Variants in FRMD4A observed in about 807,000 individuals in gnomAD.
The protein encoded by FRMD4A is FERM domain containing 4A.
A neutral mutation model predicts 129.1 loss-of-function variants in FRMD4A; 29 were observed. The ratio of observed to expected loss-of-function variants is 0.22; its 90% CI spans 0.17 to 0.31. The LOEUF (loss-of-function observed/expected upper bound fraction) is 0.31. FRMD4A is among the 10% of genes least tolerant of loss of function. The pLI, the probability that FRMD4A is intolerant of heterozygous loss-of-function variation, is 1.00. For synonymous variants in FRMD4A, 634 were observed against 571.6 expected, an observed-to-expected ratio of 1.11 and a Z score of -1.56; for missense variants, 1,272 against 1,375.8, an observed-to-expected ratio of 0.92 and a Z score of 1.19.
intron 5 of FRMD4A, among the ~76,000 whole-genome samples, chr10:13,794,015 C>T (rs567118125): frequency 2.8e-4 from 42 of 152,172 alleles, no homozygotes; most frequent in South Asian, 1.2e-3. Context: ...GAGCCCCACC[C>T]CACCCTTGGA....
intron 2 of FRMD4A, among the ~76,000 whole-genome samples, chr10:14,067,547 A>G (rs150448005): frequency 0.021 from 3,162 of 152,072 alleles, 100 homozygotes; most frequent in African/African-American, 0.07. Flanking sequence ...GGCCGGGCGC[A>G]GTGGCTCACA....
At chr10:14,080,225 C>A (rs777635684) in intron 2 of FRMD4A, among the ~76,000 whole-genome samples, 40 of 152,292 alleles carry the variant, frequency 2.6e-4, no homozygotes, top group Admixed American at 6.5e-5. Flanking sequence ...TCTAGCCTGC[C>A]CCCTACCCTG....
intron 12 of FRMD4A, among the ~76,000 whole-genome samples, chr10:13,720,102 G>A (rs747072127): frequency 7.2e-5 from 11 of 152,184 alleles, no homozygotes; most frequent in Non-Finnish European, 1.2e-4. Flanking sequence ...AGGCTGTGGT[G>A]CAGTGGGGTG....
At chr10:14,024,406 G>A (rs1030495689) in intron 2 of FRMD4A, among the ~76,000 whole-genome samples, 3 of 152,178 alleles carry the variant, frequency 2.0e-5, no homozygotes, top group African/African-American at 7.2e-5. Context: ...TTCCAGCTTG[G>A]CAGCCAAAGT....
intron 14 of FRMD4A, 138 bp from the exon 15 acceptor site, chr10:13,694,177 T>A: frequency 1.6e-6 from 1 of 614,372 alleles, no homozygotes; most frequent in Non-Finnish European, 2.7e-6. Context: ...AGCATTTTTG[T>A]TTGCATCCCT....
chr10:14,308,114 G>A (rs1419263090), intron 2 of FRMD4A, among the ~76,000 whole-genome samples: 8 of 152,200 alleles, frequency 5.3e-5, no homozygotes, highest in African/African-American at 1.9e-4. Context: ...AGGAGGACTT[G>A]CTCAATGAAG....
At chr10:14,271,268 T>C (rs1845154287) in intron 2 of FRMD4A, among the ~76,000 whole-genome samples, 1 of 152,202 alleles carries the variant, frequency 6.6e-6, no homozygotes, top group Non-Finnish European at 1.5e-5. Flanking sequence ...TCACTATACA[T>C]ACATTTTTTT....
At position 13,822,087 on chromosome 10, in the gene FRMD4A, A is replaced by ACAT. The variant is rs940238350; in HGVS notation, c.112-11182_112-11180dup. Among the ~76,000 whole-genome samples the ACAT allele has an allele frequency of 1.7e-3, 262 of 152,318 alleles. 3 individuals are homozygous for ACAT. The highest frequency in any genetic ancestry group is 5.2e-3 in the African/African-American group (217 of 41,568). On this transcript the variant is annotated intron_variant, in intron 3 of 24. Transcript: ENST00000357447. The stretch of plus-strand genomic sequence containing the variant: ...TACATACACACACACATATGTACAC[A>ACAT]CATAGATCTATATGTATGTATCTAT...
chr10:13,742,760 G>A (rs570943994), intron 9 of FRMD4A, among the ~76,000 whole-genome samples: 9 of 152,186 alleles, frequency 5.9e-5, no homozygotes, highest in African/African-American at 1.9e-4. Context: ...CAAATAATCT[G>A]CCCATCTCAG....
intron 2 of FRMD4A, among the ~76,000 whole-genome samples, chr10:13,930,252 A>G (rs755305169): frequency 1.3e-5 from 2 of 152,220 alleles, no homozygotes; most frequent in Non-Finnish European, 2.9e-5. Context: ...TCCTTCACTC[A>G]CTACGCCCTG....
intron 3 of FRMD4A, among the ~76,000 whole-genome samples, chr10:13,813,714 C>G (rs2093488286): frequency 6.6e-6 from 1 of 152,166 alleles, no homozygotes; most frequent in African/African-American, 2.4e-5. Flanking sequence ...ACACTGTAGA[C>G]TATCAGTTGT....
At chr10:14,116,844 AAAG>A (rs1325350109) in intron 2 of FRMD4A, among the ~76,000 whole-genome samples, 1 of 152,218 alleles carries the variant, frequency 6.6e-6, no homozygotes, top group African/African-American at 2.4e-5. Flanking sequence ...TACACCATCC[AAAG>A]AAGAGGTATC....
chr10:13,661,737 G>A (rs967308025), intron 19 of FRMD4A, among the ~76,000 whole-genome samples: 9 of 152,118 alleles, frequency 5.9e-5, no homozygotes, highest in African/African-American at 2.2e-4. Flanking sequence ...AGAAGAGAGA[G>A]GAGGGAACGA....
chr10:14,269,727 A>G (rs913179771), intron 2 of FRMD4A, among the ~76,000 whole-genome samples: 4 of 152,236 alleles, frequency 2.6e-5, no homozygotes, highest in African/African-American at 4.8e-5. Flanking sequence ...TGAGGTCCCT[A>G]TGATGGCTGA....
intron 2 of FRMD4A, among the ~76,000 whole-genome samples, chr10:14,134,851 T>C (rs916250823): frequency 6.6e-6 from 1 of 151,988 alleles, no homozygotes; most frequent in East Asian, 1.9e-4. Context: ...TGTTGACAAG[T>C]GTGACAAAAG....
intron 2 of FRMD4A, among the ~76,000 whole-genome samples, chr10:14,112,930 A>G (rs1156695021): frequency 6.6e-6 from 1 of 152,152 alleles, no homozygotes; most frequent in African/African-American, 2.4e-5. Context: ...ACAGACAAAG[A>G]GGTTATTAAA....
Position 14,024,259 on chromosome 10 carries a change from A to G in FRMD4A, c.46-165347T>C, listed in dbSNP as rs145867422. On this transcript the variant is annotated intron_variant, in intron 2 of 24. Coordinates refer to ENST00000357447, the MANE Select transcript of FRMD4A (RefSeq NM_018027.5). ...CTTGGGAACTGCACAGTTGCAGATC[A>G]GAATGAGATTCCGTAATGGGGACAG... Among the ~76,000 whole-genome samples, 505 of 152,376 alleles carry G rather than the reference A, an allele frequency of 3.3e-3. 3 individuals carry two copies. Among genetic ancestry groups the G allele is most frequent in the African/African-American group, 0.011 (462 of 41,590 alleles).
At chr10:13,797,423 A>C (rs180770300) in intron 4 of FRMD4A, among the ~76,000 whole-genome samples, 4 of 152,212 alleles carry the variant, frequency 2.6e-5, no homozygotes, top group Non-Finnish European at 4.4e-5. Flanking sequence ...TCAGAGGGGA[A>C]CCACTTTCCA....
chr10:13,732,205 A>G (rs2090364943), intron 12 of FRMD4A, among the ~76,000 whole-genome samples: 1 of 151,966 alleles, frequency 6.6e-6, no homozygotes, highest in African/African-American at 2.4e-5. Context: ...CTGAGGGCAG[A>G]CTCTGAAACT....
Sources: allele counts gnomAD v4.1 joint callset (sites outside exome capture counted in the v4.1 genomes callset), GRCh38; gene constraint gnomAD v4.1.1; transcripts MANE v1.5; gene names NCBI Gene and HGNC (gene_info 2026-07-23, HGNC 2026-07-21).